The following FBRS variants were observed in gnomAD, a reference collection of about 807,000 sequenced individuals.
FBRS encodes the protein fibrosin, also known as probable fibrosin-1.
A neutral mutation model predicts 86.1 loss-of-function variants in FBRS; 15 were observed. The observed-to-expected ratio is 0.17, with a 90% CI of 0.12 to 0.27. The LOEUF is 0.27. Ranked by LOEUF, FBRS falls within the 10% of genes least tolerant of loss-of-function variation. The pLI is 1.00. For synonymous variants in FBRS, 666 were observed against 575.8 expected (o/e 1.16, Z -2.24); for missense variants, 1,367 against 1,301.6 (o/e 1.05, Z -0.77).
intron 8 of FBRS, 32 bp downstream of exon 8, chr16:30,664,952 C>T (rs374126603): frequency 5.0e-6 from 8 of 1,608,794 alleles, no homozygotes; most frequent in Admixed American, 1.7e-5. Context: ...CGATGAGGCT[C>T]GGAGGCCTCT....
At chr16:30,661,935 A>T (rs1439536699) in intron 4 of FBRS, 2 of 176,218 alleles carry the variant, frequency 1.1e-5, no homozygotes, top group African/African-American at 4.8e-5. Flanking sequence ...GGTTCTTGTC[A>T]ATTTCCGTCA....
Position 30,659,543 on chromosome 16 carries a change from C to G in FBRS, c.25C>G (p.Pro9Ala). ...CATGGAGACGGCAGCGGCCGCGGCC[C>G]CGGGTCCGGGCTGGGCAGCAGAGGG... METAAAAA[P>A]GPGWAAEGER... The change falls in exon 1 of 18, where the codon CCG becomes GCG. Residue 9 changes from proline (P) to alanine (A), a missense_variant. By Grantham distance (27) the Pro-to-Ala change is conservative. Coordinates refer to ENST00000356166, the MANE Select transcript of FBRS (RefSeq NM_001105079.3). 1 of 314,516 alleles carries G rather than the reference C, an allele frequency of 3.2e-6. No individual in the cohort carries two copies. Among genetic ancestry groups the G allele is most frequent in the Non-Finnish European group, 5.8e-6 (1 of 172,746 alleles). 19.5% of individuals were successfully genotyped at this position (314,516 alleles called of 1,614,324 possible).
In FBRS at chr16:30,670,310, G is replaced by A. The variant is rs777868166; in HGVS notation, c.*665G>A. ...GGGCCAGCAGGAGATGACCAACAGG[G>A]GGCAGGACCTGGGGACCTGGGCTGG... On this transcript the variant is annotated 3_prime_UTR_variant, in exon 18 of 18. Coordinates refer to ENST00000356166, the MANE Select transcript of FBRS (RefSeq NM_001105079.3). The A allele has an allele frequency of 2.4e-6, 1 of 416,152 alleles. No homozygotes were observed. Among genetic ancestry groups the A allele is most frequent in the Non-Finnish European group, 4.8e-6 (1 of 208,600 alleles). The allele number at this position is 416,152 out of a possible 1,614,324, so 25.8% of individuals were successfully genotyped here.
rs538618502 is a variant in FBRS at position 30,664,401 on chromosome 16, C to T, written c.1242C>T (p.Pro414=). Residue 414 remains proline, a synonymous_variant, in exon 7 of 18, where the codon CCC becomes CCT. Transcript: ENST00000356166. ...THSFPPPGLR[P]PPPPHHPSLF... ...GCTTTCCCCCTCCCGGGCTGCGGCC[C>T]CCCCCACCACCCCACCACCCCTCCT... 5 of 1,359,928 alleles carry T rather than the reference C, an allele frequency of 3.7e-6. No homozygotes were observed. The highest frequency in any genetic ancestry group is 2.7e-5 in the East Asian group (1 of 37,542). The allele number at this position is 1,359,928 out of a possible 1,614,324, so 84.2% of individuals were successfully genotyped here.
At chr16:30,668,665 T>TGGGGGGGGGGGGGGGGGGGGGGG (rs768353447) in intron 16 of FBRS, 22 bp downstream of exon 16, 2 of 1,457,380 alleles carry the variant, frequency 1.4e-6, no homozygotes, top group Non-Finnish European at 9.6e-7. Context: ...TGCGGTGGGG[T>TGGGGGGGGGGGGGGGGGGGGGGG]GGGGGGGCTG....
At position 30,665,649 on chromosome 16, in the gene FBRS, T is replaced by A; in HGVS notation, c.1716T>A (p.Pro572=). ...QGAFQPKSTN[P]ELPPRLGPVP... ...CTCCCCTTTCCCAGAGCACGAACCC[T>A]GAGCTGCCACCACGACTGGGGCCGG... The change falls in exon 11 of 18, where the codon CCT becomes CCA. Residue 572 remains proline (P), a synonymous_variant. Transcript: ENST00000356166. This position sits in a 1 kb window ranked among gnomAD's most constrained non-coding sequence, Gnocchi z 4.1. 2 of 1,589,432 alleles carry A rather than the reference T, an allele frequency of 1.3e-6. No individual in the cohort carries two copies. The highest frequency in any genetic ancestry group is 8.6e-7 in the Non-Finnish European group (1 of 1,168,308).
Position 30,659,573 on chromosome 16 carries a change from C to T in FBRS, c.55C>T (p.Arg19Cys), listed in dbSNP as rs897014881. 3.0e-6 allele frequency: 1 copy of T among 335,894 alleles called. No individual in the cohort carries two copies. The highest frequency in any genetic ancestry group is 5.3e-6 in the Non-Finnish European group (1 of 187,240). 20.8% of individuals were successfully genotyped at this position (335,894 alleles called of 1,614,324 possible). ...PGPGWAAEGE[R>C]RRRRCSRRDR... ...TCCGGGCTGGGCAGCAGAGGGGGAGCGCCGACGGCGGCGCTGCTCGCGCCG... is the reference window on the plus strand; with the variant it reads ...TCCGGGCTGGGCAGCAGAGGGGGAGTGCCGACGGCGGCGCTGCTCGCGCCG... Residue 19 changes from arginine (R) to cysteine (C), a missense_variant, in exon 1 of 18, where the codon CGC (arginine) becomes TGC (cysteine). By Grantham distance (180) the Arg-to-Cys change is radical. Coordinates refer to ENST00000356166, the MANE Select transcript of FBRS (RefSeq NM_001105079.3).
At chr16:30,667,259 G>T in intron 13 of FBRS, 61 bp from the exon 14 acceptor site, 1 of 1,334,114 alleles carries the variant, frequency 7.5e-7, no homozygotes, top group South Asian at 1.4e-5. Context: ...ACGGGTGAGA[G>T]AGCAAGAGGG....
At position 30,669,663 on chromosome 16, in the gene FBRS, C is replaced by A; in HGVS notation, c.*18C>A. On this transcript the variant is annotated 3_prime_UTR_variant, in exon 18 of 18. Transcript: ENST00000356166. The surrounding 1 kb of genome is among the most constrained non-coding windows in gnomAD (Gnocchi z 5.9). ...ACAGGTGAGGGGAACGGGGGGGGGT[C>A]GGGGCAAAGCTCCATCTCCCCTTCC... The A allele has an allele frequency of 6.4e-7, 1 of 1,564,868 alleles. No individual in the cohort carries two copies. Among genetic ancestry groups the A allele is most frequent in the South Asian group, 1.1e-5 (1 of 87,282 alleles).
rs1007128062 is a variant in FBRS at position 30,660,433 on chromosome 16, A to T, written c.630A>T (p.Arg210Ser). 76 of 1,258,408 alleles carry T rather than the reference A, an allele frequency of 6.0e-5. No individual in the cohort carries two copies. Among genetic ancestry groups the T allele is most frequent in the Non-Finnish European group, 7.2e-5 (71 of 992,612 alleles). 78.0% of individuals were successfully genotyped at this position (1,258,408 alleles called of 1,614,324 possible). The change falls in exon 2 of 18, where the codon AGA becomes AGT. Residue 210 changes from arginine (R) to serine (S), a missense_variant. By Grantham distance (110) the Arg-to-Ser change is moderately radical (BLOSUM62 -1). This residue lies in a region of FBRS where 702 missense variants were observed against 598.7 expected (regional missense o/e 1.17). Coordinates refer to ENST00000356166, the MANE Select transcript of FBRS (RefSeq NM_001105079.3). ...DRARKWPNKRRRKEASSRHSL... is the reference protein window; with the variant it reads ...DRARKWPNKRSRKEASSRHSL... ...CCCGAAAATGGCCCAATAAGCGGAG[A>T]AGAAAAGAGGTGAGGTTGTCCCTTA...
At position 30,669,634 on chromosome 16, in the gene FBRS, G is replaced by A; in HGVS notation, c.2932G>A (p.Ala978Thr). ...ACCTAGGGGCCCTGGCCCAGCTCGG[G>A]CTGACAGGTGAGGGGAACGGGGGGG... is the stretch of plus-strand genomic sequence containing the variant. ...SPPRGPGPAR[A>T]DR Residue 978 changes from alanine (A) to threonine (T), a missense_variant, in exon 18 of 18, where the codon GCT becomes ACT. By Grantham distance (58) the Ala-to-Thr change is moderately conservative. Transcript: ENST00000356166. This position sits in a 1 kb window ranked among gnomAD's most constrained non-coding sequence, Gnocchi z 5.9. 2 of 1,599,304 alleles carry A rather than the reference G, an allele frequency of 1.3e-6. No homozygotes were observed. Among genetic ancestry groups the A allele is most frequent in the Non-Finnish European group, 1.7e-6 (2 of 1,175,062 alleles).
At chr16:30,662,499 G>A (rs752322488) in intron 5 of FBRS, 31 bp downstream of exon 5, 42 of 1,550,602 alleles carry the variant, frequency 2.7e-5, no homozygotes, top group Admixed American at 5.9e-5. Flanking sequence ...CTGGAGGCAC[G>A]GGAGGGCAGT....
At chr16:30,662,132 C>G in intron 4 of FBRS, 1 of 405,440 alleles carries the variant, frequency 2.5e-6, no homozygotes, top group East Asian at 4.5e-5. Flanking sequence ...GGGCCAGCAG[C>G]TAGTGACCTC....
chr16:30,664,747 C>G lies in FBRS; in HGVS notation c.1390C>G (p.Arg464Gly). The G allele has an allele frequency of 1.9e-6, 3 of 1,549,636 alleles. No individual in the cohort carries two copies. The highest frequency in any genetic ancestry group is 4.9e-5 in the East Asian group (2 of 40,910). Reference sequence around the variant, plus strand: ...CCTGATCGGCCAGGACCTGAACTCTCGCTACCTGAATGCCCAGGGTGGCCC... The same window carrying G: ...CCTGATCGGCCAGGACCTGAACTCTGGCTACCTGAATGCCCAGGGTGGCCC... ...QDLIGQDLNSRYLNAQGGPEV... is the reference protein window; with the variant it reads ...QDLIGQDLNSGYLNAQGGPEV... Residue 464 changes from arginine (R) to glycine (G), a missense_variant, in exon 8 of 18, where the codon CGC (arginine) becomes GGC (glycine). Physicochemically the swap from Arg to Gly is moderately radical, Grantham distance 125. This residue lies in a region of FBRS where 702 missense variants were observed against 598.7 expected (regional missense o/e 1.17). Transcript: ENST00000356166.
Position 30,659,693 on chromosome 16 carries a change from T to TCGC in FBRS, c.186_188dup (p.Pro63dup), listed in dbSNP as rs778041190. The TCGC allele has an allele frequency of 4.5e-5, 41 of 920,240 alleles. No homozygotes were observed. Among genetic ancestry groups the TCGC allele is most frequent in the South Asian group, 1.5e-4 (9 of 60,814 alleles). The allele number at this position is 920,240 out of a possible 1,614,324, so 57.0% of individuals were successfully genotyped here. On this transcript the variant is annotated inframe_insertion, in exon 1 of 18. Coordinates refer to ENST00000356166, the MANE Select transcript of FBRS (RefSeq NM_001105079.3). ...CCCGCGCGGCTCCTCGTCCTCGTCGTCGCCGCCGCCGCCCGCCAGGCCTTG... is the reference window on the plus strand; with the variant it reads ...CCCGCGCGGCTCCTCGTCCTCGTCGTCGCCGCCGCCGCCGCCCGCCAGGCCTTG...
Position 30,669,695 on chromosome 16 carries a change from C to A in FBRS, c.*50C>A. 1 of 1,529,620 alleles carries A rather than the reference C, an allele frequency of 6.5e-7. No individual in the cohort carries two copies. The highest frequency in any genetic ancestry group is 8.7e-7 in the Non-Finnish European group (1 of 1,146,928). The allele number at this position is 1,529,620 out of a possible 1,614,324, so 94.8% of individuals were successfully genotyped here. The stretch of plus-strand genomic sequence containing the variant: ...AAGCTCCATCTCCCCTTCCTTTAAC[C>A]AGGTCCTAGGGCTGAGGTTTTAAGC... On this transcript the variant is annotated 3_prime_UTR_variant, in exon 18 of 18. Coordinates refer to ENST00000356166, the MANE Select transcript of FBRS (RefSeq NM_001105079.3). This position sits in a 1 kb window ranked among gnomAD's most constrained non-coding sequence, Gnocchi z 5.9.
chr16:30,665,024 C>G lies in FBRS; in HGVS notation c.1564-11C>G, dbSNP rs748490287. 6.2e-7 allele frequency: 1 copy of G among 1,613,354 alleles called. No individual in the cohort carries two copies. The highest frequency in any genetic ancestry group is 1.3e-5 in the African/African-American group (1 of 75,036). ...CTGGCTGGCAGCTTACTCTTCCCTT[C>G]TCTTCCCTAGTTTGAGAAATATCCA... On this transcript the variant is annotated splice_polypyrimidine_tract_variant and intron_variant, in intron 8 of 17. Coordinates refer to ENST00000356166, the MANE Select transcript of FBRS (RefSeq NM_001105079.3). This position sits in a 1 kb window ranked among gnomAD's most constrained non-coding sequence, Gnocchi z 4.1.
chr16:30,668,354 C>T (rs1279578693), intron 15 of FBRS: 2 of 558,748 alleles, frequency 3.6e-6, no homozygotes, highest in Non-Finnish European at 6.5e-6. Flanking sequence ...TGATCCTAAC[C>T]ACCTCTTGGG....
Position 30,661,101 on chromosome 16 carries a change from A to T in FBRS, c.640-79A>T, listed in dbSNP as rs1007636732. 3 of 1,547,258 alleles carry T rather than the reference A, an allele frequency of 1.9e-6. No individual in the cohort carries two copies. In the African/African-American group the frequency reaches 4.1e-5, roughly 21 times the overall value. On this transcript the variant is annotated intron_variant, in intron 2 of 17. Coordinates refer to ENST00000356166, the MANE Select transcript of FBRS (RefSeq NM_001105079.3). ...TGAGAGTAGATCCTGGAGGCCCATG[A>T]GCGCCCTGCTGGGAGCTGCGACTTT...
Sources: gnomAD v4.1 joint callset for allele counts on GRCh38, gnomAD v4.1.1 for gene constraint, gnomAD v4.1.1 regional missense constraint, Gnocchi (gnomAD v3.1) non-coding constraint, MANE v1.5 for transcripts, NCBI Gene and HGNC (gene_info 2026-07-23, HGNC 2026-07-21) for gene names.